Variants in PRELID2 observed in about 807,000 individuals in gnomAD.
The protein encoded by PRELID2 is PRELI domain containing 2.
In PRELID2, 25 loss-of-function variants were observed where a neutral mutation model predicts 28.4. That is an observed-to-expected ratio of 0.88 (90% CI 0.64 to 1.23). The LOEUF (loss-of-function observed/expected upper bound fraction) is 1.23. Ranked by LOEUF, PRELID2 falls within the 50% of genes most tolerant of loss-of-function variation. The probability of loss-of-function intolerance (pLI) is 0.00; values close to 1 mark genes in which losing one functional copy is unlikely to be tolerated. For synonymous variants in PRELID2, 76 were observed against 71.6 expected, an observed-to-expected ratio of 1.06 and a Z score of -0.31; for missense variants, 201 against 214.4, an observed-to-expected ratio of 0.94 and a Z score of 0.39.
chr5:145,377,039 C>T, the PRELID2 span, among the ~76,000 whole-genome samples: 1 of 152,034 alleles, frequency 6.6e-6, no homozygotes, highest in Admixed American at 6.6e-5. Flanking sequence ...ATAAATTTCC[C>T]TCTTAACACT....
At chr5:145,425,684 T>G in the PRELID2 span, among the ~76,000 whole-genome samples, 1 of 152,038 alleles carries the variant, frequency 6.6e-6, no homozygotes, top group African/African-American at 2.4e-5. Flanking sequence ...ATATTCTCAC[T>G]TATAAGGGGG....
At chr5:145,356,650 C>T in the PRELID2 span, among the ~76,000 whole-genome samples, 2 of 151,902 alleles carry the variant, frequency 1.3e-5, no homozygotes, top group Non-Finnish European at 2.9e-5. Flanking sequence ...TTACTTTGAG[C>T]CTATGGGTAT....
the PRELID2 span, among the ~76,000 whole-genome samples, chr5:145,389,801 T>C: frequency 6.6e-6 from 1 of 152,180 alleles, no homozygotes; most frequent in Non-Finnish European, 1.5e-5. Flanking sequence ...TAAGGTGGTA[T>C]ACGAACAATA....
chr5:145,266,360 A>G, the PRELID2 span, among the ~76,000 whole-genome samples: 3 of 120,048 alleles, frequency 2.5e-5, no homozygotes, highest in Non-Finnish European at 4.9e-5. Flanking sequence ...GACAAAAAGC[A>G]AAAAAAAAAA....
At chr5:145,526,197 C>T (rs866026999) in intron 1 of PRELID2, among the ~76,000 whole-genome samples, 4 of 152,156 alleles carry the variant, frequency 2.6e-5, no homozygotes, top group South Asian at 2.1e-4. Flanking sequence ...TTATTACAAA[C>T]GTAGAAACCA....
At chr5:145,670,372 C>A (rs1754682081) in intron 1 of PRELID2, among the ~76,000 whole-genome samples, 1 of 152,058 alleles carries the variant, frequency 6.6e-6, no homozygotes, top group Non-Finnish European at 1.5e-5. Flanking sequence ...CATGAGGGAT[C>A]CATCCCCACG....
chr5:145,698,649 T>C (rs1038788214), intron 1 of PRELID2, among the ~76,000 whole-genome samples: 2 of 152,190 alleles, frequency 1.3e-5, no homozygotes, highest in Non-Finnish European at 2.9e-5. Flanking sequence ...TCTTTAATGA[T>C]GGCATGTATC....
At chr5:145,740,941 CATATATTTAT>C (rs1756693873) in intron 1 of PRELID2, among the ~76,000 whole-genome samples, 1 of 79,078 alleles carries the variant, frequency 1.3e-5, no homozygotes, top group Non-Finnish European at 2.2e-5. Flanking sequence ...TATATATGTA[CATATATTTAT>C]CTATAAATAA....
chr5:145,689,454 T>C (rs1208662419), intron 1 of PRELID2, among the ~76,000 whole-genome samples: 1 of 152,210 alleles, frequency 6.6e-6, no homozygotes, highest in African/African-American at 2.4e-5. Context: ...CTCTCTCTCA[T>C]TGGCAAAGCC....
chr5:145,520,291 G>C, intron 1 of PRELID2, among the ~76,000 whole-genome samples: 1 of 152,104 alleles, frequency 6.6e-6, no homozygotes, highest in Non-Finnish European at 1.5e-5. Context: ...CTTCTGAACT[G>C]GTGGTAAAGG....
At chr5:145,290,071 A>T in the PRELID2 span, among the ~76,000 whole-genome samples, 22 of 152,184 alleles carry the variant, frequency 1.4e-4, no homozygotes, top group Non-Finnish European at 2.4e-4. Context: ...TACCAGTTAG[A>T]ATGGTGATCA....
chr5:145,643,239 G>T (rs1489123267), intron 1 of PRELID2, among the ~76,000 whole-genome samples: 2 of 152,146 alleles, frequency 1.3e-5, no homozygotes, highest in Non-Finnish European at 2.9e-5. Flanking sequence ...CATATCCCTT[G>T]TAAATTGGAT....
At chr5:145,742,649 A>G (rs932955052) in intron 1 of PRELID2, among the ~76,000 whole-genome samples, 1 of 151,216 alleles carries the variant, frequency 6.6e-6, no homozygotes, top group Non-Finnish European at 1.5e-5. Flanking sequence ...TTATAAAATA[A>G]AAAAGTCTCA....
At chr5:145,799,587 G>A (rs1325497989) in intron 4 of PRELID2, among the ~76,000 whole-genome samples, 2 of 152,130 alleles carry the variant, frequency 1.3e-5, no homozygotes, top group Non-Finnish European at 2.9e-5. Flanking sequence ...GTAAGGAGGC[G>A]TGAAGGAAGA....
the PRELID2 span, among the ~76,000 whole-genome samples, chr5:145,342,348 A>G: frequency 9.0e-4 from 137 of 152,312 alleles, 1 homozygote; most frequent in African/African-American, 3.2e-3. Flanking sequence ...ACACAAAGGA[A>G]GAAGAGAAAG....
At chr5:145,638,110 C>T (rs957541828) in intron 1 of PRELID2, among the ~76,000 whole-genome samples, 1 of 152,154 alleles carries the variant, frequency 6.6e-6, no homozygotes, top group Non-Finnish European at 1.5e-5. Flanking sequence ...CGCTCCCAGC[C>T]AACCATTCTT....
chr5:145,622,190 C>T (rs950704472), intron 1 of PRELID2, among the ~76,000 whole-genome samples: 1 of 152,088 alleles, frequency 6.6e-6, no homozygotes, highest in African/African-American at 2.4e-5. Context: ...TGGGGAATAA[C>T]TGCTAATAAG....
At chr5:145,640,048 T>G (rs946685566) in intron 1 of PRELID2, among the ~76,000 whole-genome samples, 11 of 151,844 alleles carry the variant, frequency 7.2e-5, no homozygotes, top group Non-Finnish European at 1.2e-4. Flanking sequence ...ATTGGTGGGG[T>G]TTTTTTTAAT....
chr5:145,407,043 T>C, the PRELID2 span, among the ~76,000 whole-genome samples: 1 of 152,050 alleles, frequency 6.6e-6, no homozygotes, highest in South Asian at 2.1e-4. Flanking sequence ...TACCTAAACT[T>C]TGTAATAATT....
Sources: allele counts gnomAD v4.1 joint callset (sites outside exome capture counted in the v4.1 genomes callset), GRCh38; gene constraint gnomAD v4.1.1; transcripts MANE v1.5; gene names NCBI Gene and HGNC (gene_info 2026-07-23, HGNC 2026-07-21).